The following TENM1 variants were observed in gnomAD, a reference collection of about 807,000 sequenced individuals.
TENM1 encodes teneurin transmembrane protein 1.
A neutral mutation model predicts 174.8 loss-of-function variants in TENM1; 35 were observed. That is an observed-to-expected ratio of 0.20 (90% CI 0.15 to 0.27). The LOEUF is 0.27. Among genes scored for constraint, TENM1 ranks in the 10% least tolerant of loss-of-function variants. The probability of loss-of-function intolerance (pLI) is 1.00; values close to 1 mark genes in which losing one functional copy is unlikely to be tolerated. For synonymous variants in TENM1, 781 were observed against 798.7 expected (o/e 0.98, Z 0.37); for missense variants, 1,633 against 2,130.1 (o/e 0.77, Z 4.59).
intron 15 of TENM1, among the ~76,000 whole-genome samples, chrX:124,531,233 C>T (rs1301656489): frequency 9.8e-6 from 1 of 101,933 alleles, no homozygotes; most frequent in East Asian, 3.2e-4. Flanking sequence ...CATGGCTTTT[C>T]AGATTAATCC....
intron 20 of TENM1, among the ~76,000 whole-genome samples, chrX:124,493,764 T>A (rs992575528): frequency 9.0e-6 from 1 of 111,544 alleles, no homozygotes; most frequent in African/African-American, 3.3e-5. Context: ...AAATGACAAG[T>A]CCCCATGAGG....
chrX:124,705,092 C>T (rs2052866861), exon 5 of TENM1: 3 of 1,211,428 alleles, frequency 2.5e-6, no homozygotes, highest in Non-Finnish European at 3.4e-6. Flanking sequence ...AGTTGCAGCA[C>T]CTGTAAGGTT....
the TENM1 span, among the ~76,000 whole-genome samples, chrX:125,162,652 T>G: frequency 8.9e-6 from 1 of 112,078 alleles, no homozygotes; most frequent in East Asian, 2.8e-4. Flanking sequence ...CCTCAAGTCT[T>G]TTGTTCAATC....
chrX:125,062,727 C>T, the TENM1 span, among the ~76,000 whole-genome samples: 9 of 111,506 alleles, frequency 8.1e-5, no homozygotes, highest in South Asian at 2.6e-3. Flanking sequence ...TGTTTCTGGG[C>T]CCTCATGAAA....
At chrX:124,495,423 A>C (rs2047176375) in intron 20 of TENM1, among the ~76,000 whole-genome samples, 1 of 108,409 alleles carries the variant, frequency 9.2e-6, no homozygotes, top group African/African-American at 3.4e-5. Context: ...GCCCTTTGTC[A>C]GATGAGTAGG....
chrX:124,453,108 T>C (rs1251319656), intron 23 of TENM1, among the ~76,000 whole-genome samples: 3 of 111,983 alleles, frequency 2.7e-5, no homozygotes, highest in Non-Finnish European at 5.6e-5. Context: ...CTTTACTTAA[T>C]TGTATGTCAA....
At chrX:125,203,241 C>T in the TENM1 span, among the ~76,000 whole-genome samples, 9 of 112,894 alleles carry the variant, frequency 8.0e-5, no homozygotes, top group Non-Finnish European at 1.7e-4. Context: ...TGCGTCCTAG[C>T]CCTTGGGCAT....
At chrX:124,823,513 A>T (rs1242090203) in intron 3 of TENM1, among the ~76,000 whole-genome samples, 1 of 111,505 alleles carries the variant, frequency 9.0e-6, no homozygotes, top group Non-Finnish European at 1.9e-5. Flanking sequence ...TATCATTATC[A>T]TTAACATTTC....
chrX:124,818,097 C>T lies in TENM1; in HGVS notation c.535+76199G>A, dbSNP rs147409355. ...TAAAATTTAAAAAATTGAAATGTAA[C>T]GCTCTGTTAACCAGAAAATTCAATT... On this transcript the variant is annotated intron_variant, in intron 3 of 31. Coordinates refer to ENST00000422452, the Ensembl canonical transcript of TENM1. Among the ~76,000 whole-genome samples the T allele has an allele frequency of 8.9e-3, 986 of 110,332 alleles. 8 individuals carry two copies. The highest frequency in any genetic ancestry group is 0.031 in the African/African-American group (933 of 30,349).
intron 27 of TENM1, among the ~76,000 whole-genome samples, chrX:124,397,391 G>A (rs1370085782): frequency 9.0e-6 from 1 of 111,564 alleles, no homozygotes; most frequent in Non-Finnish European, 1.9e-5. Context: ...GCACACCCAC[G>A]CCTGTGAATG....
chrX:124,640,729 G>C (rs953057587), intron 11 of TENM1, among the ~76,000 whole-genome samples: 1 of 110,948 alleles, frequency 9.0e-6, no homozygotes, highest in African/African-American at 3.3e-5. Context: ...GGGAGGCCAA[G>C]GCAGGCGGAT....
chrX:124,980,340 A>G, the TENM1 span, among the ~76,000 whole-genome samples: 1 of 111,500 alleles, frequency 9.0e-6, no homozygotes, highest in Non-Finnish European at 1.9e-5. Flanking sequence ...TGTGTGCTTT[A>G]CTTTGGTATA....
At chrX:124,979,894 T>A in the TENM1 span, among the ~76,000 whole-genome samples, 420 of 112,185 alleles carry the variant, frequency 3.7e-3, 3 homozygotes, top group African/African-American at 0.012. Context: ...GAAAATACTA[T>A]ACACATATTT....
At chrX:124,617,734 T>C (rs2050429036) in intron 11 of TENM1, among the ~76,000 whole-genome samples, 1 of 112,063 alleles carries the variant, frequency 8.9e-6, no homozygotes, top group African/African-American at 3.2e-5. Context: ...GTTATGATAA[T>C]GCTGTTTCTT....
chrX:124,717,922 T>A (rs1422698956), intron 4 of TENM1, among the ~76,000 whole-genome samples: 1 of 112,376 alleles, frequency 8.9e-6, no homozygotes, highest in Non-Finnish European at 1.9e-5. Context: ...TAGTTATTTT[T>A]CCTGGTGATT....
chrX:124,507,671 C>T (rs777595497), intron 18 of TENM1, among the ~76,000 whole-genome samples: 2 of 111,804 alleles, frequency 1.8e-5, no homozygotes, highest in Non-Finnish European at 3.8e-5. Context: ...AGGGTCACGG[C>T]GTCCCTGATA....
intron 4 of TENM1, among the ~76,000 whole-genome samples, chrX:124,730,682 T>C (rs908340709): frequency 8.9e-6 from 1 of 112,029 alleles, no homozygotes; most frequent in Non-Finnish European, 1.9e-5. Context: ...AAAATGCAAA[T>C]ATATGGCAAG....
At chrX:125,010,886 G>T in the TENM1 span, among the ~76,000 whole-genome samples, 4 of 108,763 alleles carry the variant, frequency 3.7e-5, no homozygotes, top group Non-Finnish European at 7.6e-5. Context: ...ACAATCCTAA[G>T]CAAAAAGAAC....
chrX:125,024,351 T>C, the TENM1 span, among the ~76,000 whole-genome samples: 3 of 107,100 alleles, frequency 2.8e-5, no homozygotes, highest in Admixed American at 9.9e-5. Context: ...TATATATATA[T>C]ACACACATAC....
Sources: gnomAD v4.1 joint callset for allele counts (sites outside exome capture counted in the v4.1 genomes callset) on GRCh38, gnomAD v4.1.1 for gene constraint, MANE v1.5 for transcripts, NCBI Gene and HGNC (gene_info 2026-07-23, HGNC 2026-07-21) for gene names.